The following DGKG variants were observed in gnomAD, a reference collection of about 807,000 sequenced individuals.
DGKG encodes diacylglycerol kinase gamma.
Under a neutral mutation model 105.3 loss-of-function variants are expected in DGKG, and 78 were observed. That is an observed-to-expected ratio of 0.74 (90% confidence interval 0.62 to 0.89). The LOEUF (loss-of-function observed/expected upper bound fraction) is 0.89. Among genes scored for constraint, DGKG ranks in the 40% least tolerant of loss-of-function variants. The pLI is 0.00. For missense variants in DGKG, 958 were observed against 1,020.1 expected (o/e 0.94, Z 0.83); for synonymous variants, 346 against 367.1 (o/e 0.94, Z 0.66).
intron 21 of DGKG, among the ~76,000 whole-genome samples, chr3:186,192,981 A>C (rs1290683176): frequency 6.6e-6 from 1 of 152,212 alleles, no homozygotes; most frequent in Non-Finnish European, 1.5e-5. Context: ...ATCCATAGCC[A>C]GCTAAGTGTG....
intron 24 of DGKG, among the ~76,000 whole-genome samples, chr3:186,155,112 A>G (rs1406873557): frequency 2.0e-5 from 3 of 152,212 alleles, no homozygotes; most frequent in Non-Finnish European, 4.4e-5. Flanking sequence ...TTTCCCGAAT[A>G]AATATATATA....
chr3:186,209,093 C>CTTTTTTTTTTTTTTTTTTTTTTT (rs34226259), intron 21 of DGKG, among the ~76,000 whole-genome samples: 1 of 89,838 alleles, frequency 1.1e-5, no homozygotes, highest in African/African-American at 4.8e-5. Context: ...GTTTACTCTT[C>CTTTTTTTTTTTTTTTTTTTTTTT]TTTTTTTTTT....
rs540402528 is a variant in DGKG at position 186,181,865 on chromosome 3, C to T, written c.2095+6337G>A. Reference sequence around the variant, plus strand: ...GGGCCAGGTGTGGATAACACAGGCTCGAGACCACTGCTGGCTTGAGACTGA... The same window carrying T: ...GGGCCAGGTGTGGATAACACAGGCTTGAGACCACTGCTGGCTTGAGACTGA... On this transcript the variant is annotated intron_variant, in intron 22 of 24. Transcript: ENST00000265022. Among the ~76,000 whole-genome samples, 12 of 152,320 alleles carry T rather than the reference C, an allele frequency of 7.9e-5. No homozygotes were observed. In the South Asian group the frequency reaches 8.3e-4, roughly 11 times the overall value.
intron 20 of DGKG, among the ~76,000 whole-genome samples, chr3:186,219,221 T>C (rs1278450429): frequency 6.7e-6 from 1 of 150,348 alleles, no homozygotes; most frequent in Non-Finnish European, 1.5e-5. Flanking sequence ...TGTCAAGTCC[T>C]ATAAGGGGCC....
chr3:186,291,270 A>G (rs1484118965), intron 5 of DGKG, among the ~76,000 whole-genome samples: 1 of 152,234 alleles, frequency 6.6e-6, no homozygotes, highest in Non-Finnish European at 1.5e-5. Context: ...CCAAAAACAG[A>G]CAATGACATG....
intron 21 of DGKG, among the ~76,000 whole-genome samples, chr3:186,199,267 T>C (rs1028065117): frequency 3.3e-5 from 5 of 151,998 alleles, no homozygotes; most frequent in African/African-American, 1.2e-4. Context: ...AGTCCAGTAT[T>C]ATCCACATAC....
In DGKG at chr3:186,188,304, C is replaced by T. The variant is rs200480631; in HGVS notation, c.1993G>A (p.Gly665Arg). The T allele has an allele frequency of 2.0e-5, 33 of 1,614,056 alleles. No homozygotes were observed. The highest frequency in any genetic ancestry group is 1.0e-4 in the Admixed American group (6 of 60,002). Residue 665 changes from glycine to arginine, a missense_variant, in exon 22 of 25, where the codon GGA becomes AGA. This residue lies in a region of DGKG where 315 missense variants were observed against 400.6 expected (regional missense o/e 0.79). Coordinates refer to ENST00000265022, the MANE Select transcript of DGKG (RefSeq NM_001346.3). ...TTTTCTCCCCAGAGATTGGTGCCTC[C>T]GTACATGCTGGGAATGTTGAGAATG... ...IAILNIPSMYGGTNLWGENKK... is the reference protein window; with the variant it reads ...IAILNIPSMYRGTNLWGENKK...
chr3:186,237,113 G>A (rs1720456128), intron 20 of DGKG, among the ~76,000 whole-genome samples: 1 of 152,224 alleles, frequency 6.6e-6, no homozygotes, highest in Non-Finnish European at 1.5e-5. Flanking sequence ...ATTGCTGCCT[G>A]TTTGTGGGAC....
chr3:186,205,043 G>C (rs982408698), intron 21 of DGKG, among the ~76,000 whole-genome samples: 4 of 152,008 alleles, frequency 2.6e-5, no homozygotes, highest in Admixed American at 6.6e-5. Flanking sequence ...GATCACTTGA[G>C]GTCAGGAGTT....
At chr3:186,299,825 CTTTCTTTCTTTCTTTT>C (rs764593677) in intron 3 of DGKG, among the ~76,000 whole-genome samples, 1,479 of 85,148 alleles carry the variant, frequency 0.017, 55 homozygotes, top group Non-Finnish European at 0.023. Flanking sequence ...TTCTTTCTTT[CTTTCTTTCTTTCTTTT>C]TTTTTTTTTT....
intron 22 of DGKG, among the ~76,000 whole-genome samples, chr3:186,173,960 C>T (rs1560080400): frequency 6.6e-6 from 1 of 152,222 alleles, no homozygotes; most frequent in Non-Finnish European, 1.5e-5. Flanking sequence ...GTGATTAATG[C>T]TTTCCCCAGA....
chr3:186,189,601 A>T (rs60243254), intron 21 of DGKG, among the ~76,000 whole-genome samples: 8,982 of 152,130 alleles, frequency 0.059, 917 homozygotes, highest in African/African-American at 0.21. Flanking sequence ...TACAATAAAA[A>T]CCCACTATCT....
At chr3:186,238,240 G>A (rs1423279021) in intron 20 of DGKG, among the ~76,000 whole-genome samples, 1 of 135,402 alleles carries the variant, frequency 7.4e-6, no homozygotes, top group Non-Finnish European at 1.5e-5. Flanking sequence ...AGGTTGCAGT[G>A]AGCCAAGATC....
rs1487525308 is a variant in DGKG at position 186,147,499 on chromosome 3, A to G, written c.*2591T>C. 1.0e-6 allele frequency: 1 copy of G among 985,312 alleles called. No homozygotes were observed. 61.0% of individuals were successfully genotyped at this position (985,312 alleles called of 1,614,324 possible). On this transcript the variant is annotated 3_prime_UTR_variant, in exon 25 of 25. Coordinates refer to ENST00000265022, the MANE Select transcript of DGKG (RefSeq NM_001346.3). ...TTTAAAGGATGATTTGCAAGGCACG[A>G]TTAAACAACAACACAAGATTTACTA...
chr3:186,163,698 A>C (rs1716405686), intron 23 of DGKG, among the ~76,000 whole-genome samples: 1 of 151,992 alleles, frequency 6.6e-6, no homozygotes, highest in Non-Finnish European at 1.5e-5. Context: ...TTCTATCTGG[A>C]AATAGAGCTA....
At chr3:186,291,686 T>C (rs1196234410) in intron 5 of DGKG, among the ~76,000 whole-genome samples, 1 of 151,144 alleles carries the variant, frequency 6.6e-6, no homozygotes, top group Non-Finnish European at 1.5e-5. Flanking sequence ...CTAGACAATG[T>C]AATTTAATAT....
At chr3:186,331,686 T>C (rs1578845318) in intron 1 of DGKG, among the ~76,000 whole-genome samples, 1 of 152,106 alleles carries the variant, frequency 6.6e-6, no homozygotes, top group South Asian at 2.1e-4. Context: ...GACTGCTACT[T>C]TGGGGGTCTG....
chr3:186,213,726 G>C (rs149553121), intron 20 of DGKG, among the ~76,000 whole-genome samples: 1 of 152,302 alleles, frequency 6.6e-6, no homozygotes, highest in East Asian at 1.9e-4. Context: ...GAGAGTTGTG[G>C]AACGGGGCCC....
rs555777159 is a variant in DGKG, at chr3:186,331,278, T to A, written c.-248-10571A>T. Among the ~76,000 whole-genome samples the A allele has an allele frequency of 2.0e-5, 3 of 152,344 alleles. No homozygotes were observed. In the South Asian group the frequency reaches 6.2e-4, roughly 32 times the overall value. Reference sequence around the variant, plus strand: ...CCCAGGTCACAGGATTCTAACCATCTACTTGAGTGTGGGGGCTGTAGCTGC... The same window carrying A: ...CCCAGGTCACAGGATTCTAACCATCAACTTGAGTGTGGGGGCTGTAGCTGC... On this transcript the variant is annotated intron_variant, in intron 1 of 24. Coordinates refer to ENST00000265022, the MANE Select transcript of DGKG (RefSeq NM_001346.3).
Sources: allele counts gnomAD v4.1 joint callset (sites outside exome capture counted in the v4.1 genomes callset), GRCh38; gene constraint gnomAD v4.1.1; regional missense constraint gnomAD v4.1.1; transcripts MANE v1.5; gene names NCBI Gene and HGNC (gene_info 2026-07-23, HGNC 2026-07-21).